The following CASR variants were observed in gnomAD, a reference collection of about 807,000 sequenced individuals.
The protein encoded by CASR is calcium sensing receptor, also known as extracellular calcium-sensing receptor.
CASR carries 23 observed loss-of-function variants against 69.1 expected under a neutral mutation model. The ratio of observed to expected loss-of-function variants is 0.33; its 90% CI spans 0.24 to 0.47. The LOEUF is 0.47. CASR is among the 20% of genes least tolerant of loss of function. The probability of loss-of-function intolerance (pLI) is 1.00; values close to 1 mark genes in which losing one functional copy is unlikely to be tolerated. For missense variants in CASR, 924 were observed against 1,356.1 expected (o/e 0.68, Z 5.00); for synonymous variants, 541 against 544.7 (o/e 0.99, Z 0.10).
In CASR at chr3:122,252,455, A is replaced by AAAGAAAG. The variant is rs879317403; in HGVS notation, c.-242-1491_-242-1490insGAAAGAA. Among the ~76,000 whole-genome samples, 81 of 100,696 alleles carry AAAGAAAG rather than the reference A, an allele frequency of 8.0e-4. 2 individuals are homozygous for AAAGAAAG. Among genetic ancestry groups the AAAGAAAG allele is most frequent in the African/African-American group, 3.2e-3 (80 of 24,680 alleles). The allele number at this position is 100,696 out of a possible 152,430, so 66.1% of individuals were successfully genotyped here. ...AAAGAAAGAAAGAAAGAAAAAAAAG[A>AAAGAAAG]AAAGAAAGAAAAGAAAAGAAGGGAG... is the stretch of plus-strand genomic sequence containing the variant. On this transcript the variant is annotated intron_variant, in intron 1 of 6. Coordinates refer to ENST00000639785, the MANE Select transcript of CASR (RefSeq NM_000388.4).
At chr3:122,198,263 G>A (rs2073909033) in intron 1 of CASR, among the ~76,000 whole-genome samples, 1 of 152,198 alleles carries the variant, frequency 6.6e-6, no homozygotes, top group Admixed American at 6.5e-5. Context: ...TCAGACAAAT[G>A]TTAAATAAGT....
intron 1 of CASR, chr3:122,246,878 A>T (rs1198071559): frequency 6.6e-6 from 1 of 152,112 alleles, no homozygotes; most frequent in Non-Finnish European, 1.5e-5. Flanking sequence ...TACAATAGAA[A>T]CCCATCCCTC....
chr3:122,203,747 A>T (rs1406307892), intron 1 of CASR, among the ~76,000 whole-genome samples: 1 of 152,206 alleles, frequency 6.6e-6, no homozygotes, highest in Non-Finnish European at 1.5e-5. Context: ...ATTTATCTTT[A>T]AAAATAAAGT....
chr3:122,248,124 TTG>T (rs1340469691), intron 1 of CASR, among the ~76,000 whole-genome samples: 1 of 152,134 alleles, frequency 6.6e-6, no homozygotes, highest in African/African-American at 2.4e-5. Context: ...ACCGGGCAAT[TTG>T]TGTTTCCCCC....
At chr3:122,237,102 A>T (rs1001509558) in intron 1 of CASR, among the ~76,000 whole-genome samples, 1 of 140,838 alleles carries the variant, frequency 7.1e-6, no homozygotes, top group Admixed American at 7.9e-5. Context: ...TGTAGCTAAC[A>T]GTACTTATGC....
intron 4 of CASR, 62 bp from the exon 5 acceptor site, chr3:122,275,750 C>A (rs2074809488): frequency 4.7e-6 from 5 of 1,065,938 alleles, no homozygotes; most frequent in Admixed American, 3.4e-5. Context: ...CAGGGCACAG[C>A]CTACCTAATT....
intron 1 of CASR, among the ~76,000 whole-genome samples, chr3:122,230,605 A>T (rs932986835): frequency 2.0e-5 from 3 of 152,042 alleles, no homozygotes; most frequent in Admixed American, 2.0e-4. Flanking sequence ...GAGGAGGAAG[A>T]CCCTCTCACC....
intron 2 of CASR, among the ~76,000 whole-genome samples, chr3:122,254,649 C>T (rs1488886671): frequency 6.6e-6 from 1 of 152,106 alleles, no homozygotes; most frequent in African/African-American, 2.4e-5. Flanking sequence ...TCATCGTTCA[C>T]CTGGCAGCAG....
chr3:122,285,202 G>A lies in CASR; in HGVS notation c.*11G>A, dbSNP rs1181529627. The stretch of plus-strand genomic sequence containing the variant: ...GTAGTGAATTCATAAAATGGAAGGA[G>A]AAGACTGGGCTAGGGAGAATGCAGA... On this transcript the variant is annotated 3_prime_UTR_variant, in exon 7 of 7. Transcript: ENST00000639785. 1.9e-6 allele frequency: 3 copies of A among 1,613,072 alleles called. No homozygotes were observed. The highest frequency in any genetic ancestry group is 2.5e-6 in the Non-Finnish European group (3 of 1,179,460).
chr3:122,249,376 G>A (rs1432943401), intron 1 of CASR, among the ~76,000 whole-genome samples: 2 of 152,208 alleles, frequency 1.3e-5, no homozygotes, highest in African/African-American at 4.8e-5. Flanking sequence ...TGAGCACCTT[G>A]AAGGCAAAAA....
chr3:122,264,369 A>G (rs184931833), intron 4 of CASR, among the ~76,000 whole-genome samples: 51 of 152,338 alleles, frequency 3.3e-4, no homozygotes, highest in Admixed American at 2.9e-3. Flanking sequence ...ATATCCTGTA[A>G]AAGTTCCAGA....
rs34143401 is a variant in CASR at position 122,281,337 on chromosome 3, C to T, written c.1609-776C>T. On this transcript the variant is annotated intron_variant, in intron 5 of 6. Transcript: ENST00000639785. ...TGGCAACCATATCATCTGCAAATAA[C>T]TACAGTTTTATTTGGTCCTTTTCAA... Among the ~76,000 whole-genome samples, 560 of 152,296 alleles carry T rather than the reference C, an allele frequency of 3.7e-3. 4 individuals carry two copies. The highest frequency in any genetic ancestry group is 0.011 in the African/African-American group (470 of 41,572).
At chr3:122,239,771 T>C (rs758142612) in intron 1 of CASR, among the ~76,000 whole-genome samples, 3 of 152,248 alleles carry the variant, frequency 2.0e-5, no homozygotes, top group Admixed American at 6.5e-5. Context: ...CAAGAGTCTC[T>C]GTCTGGTACT....
At chr3:122,228,516 T>G (rs574824365) in intron 1 of CASR, among the ~76,000 whole-genome samples, 7 of 152,300 alleles carry the variant, frequency 4.6e-5, no homozygotes, top group Non-Finnish European at 1.0e-4. Context: ...AAGGAATTAA[T>G]CTGGACTTCT....
At position 122,262,273 on chromosome 3, in the gene CASR, A is replaced by T. The variant is rs1553766896; in HGVS notation, c.1238A>T (p.His413Leu). Reference sequence around the variant, plus strand: ...GAGACCCCTTACATAGATTACACGCATTTACGGATATCCTACAATGTGTAC... The same window carrying T: ...GAGACCCCTTACATAGATTACACGCTTTTACGGATATCCTACAATGTGTAC... Reference protein sequence around the residue: ...SVETPYIDYTHLRISYNVYLA... With the variant: ...SVETPYIDYTLLRISYNVYLA... Residue 413 changes from histidine to leucine, a missense_variant, in exon 4 of 7, where the codon CAT becomes CTT. By Grantham distance (99) the His-to-Leu change is moderately conservative. Coordinates refer to ENST00000639785, the MANE Select transcript of CASR (RefSeq NM_000388.4). 1 of 1,614,182 alleles carries T rather than the reference A, an allele frequency of 6.2e-7. No individual in the cohort carries two copies. The highest frequency in any genetic ancestry group is 8.5e-7 in the Non-Finnish European group (1 of 1,180,030).
At chr3:122,193,204 G>GTGTT (rs35728846) in intron 1 of CASR, among the ~76,000 whole-genome samples, 30,215 of 140,242 alleles carry the variant, frequency 0.22, 3,325 homozygotes, top group Middle Eastern at 0.26. Context: ...TTTTTTGTTT[G>GTGTT]TGTTTGTTTG....
chr3:122,284,950 A>C lies in CASR; in HGVS notation c.2996A>C (p.Glu999Ala), dbSNP rs201052958. 14 of 1,614,060 alleles carry C rather than the reference A, an allele frequency of 8.7e-6. No homozygotes were observed. Among genetic ancestry groups the C allele is most frequent in the Non-Finnish European group, 1.2e-5 (14 of 1,180,026 alleles). ...AATTCTACGCACCAGAACTCCCTGG[A>C]GGCCCAGAAAAGCAGCGATACGCTG... The part of the protein sequence containing the change: ...HRNSTHQNSL[E>A]AQKSSDTLTR... Residue 999 changes from glutamate (E) to alanine (A), a missense_variant, in exon 7 of 7, where the codon GAG (glutamate) becomes GCG (alanine). Coordinates refer to ENST00000639785, the MANE Select transcript of CASR (RefSeq NM_000388.4).
At chr3:122,230,037 T>G (rs1432352709) in intron 1 of CASR, among the ~76,000 whole-genome samples, 1 of 152,234 alleles carries the variant, frequency 6.6e-6, no homozygotes, top group Admixed American at 6.5e-5. Context: ...ATGGAAGATT[T>G]GTACTAAACA....
rs1326892012 is a variant in CASR, at chr3:122,211,790, G to A, written c.-243+27978G>A. Among the ~76,000 whole-genome samples, 4 of 84,536 alleles carry A rather than the reference G, an allele frequency of 4.7e-5. No individual in the cohort carries two copies. The Admixed American group carries it at 4.9e-4, about 10-fold the overall frequency. 55.5% of individuals were successfully genotyped at this position (84,536 alleles called of 152,430 possible). A position where few individuals can be genotyped will look rare whatever the true frequency, so the allele number is the denominator to read the frequency against. ...ACTTCTCAAAAGAAAACATTTATGCGGCCAATAAACATGAAAAAAAGTTCA... is the reference window on the plus strand; with the variant it reads ...ACTTCTCAAAAGAAAACATTTATGCAGCCAATAAACATGAAAAAAAGTTCA... On this transcript the variant is annotated intron_variant, in intron 1 of 6. Coordinates refer to ENST00000639785, the MANE Select transcript of CASR (RefSeq NM_000388.4).
Sources: gnomAD v4.1 joint callset for allele counts (sites outside exome capture counted in the v4.1 genomes callset) on GRCh38, gnomAD v4.1.1 for gene constraint, MANE v1.5 for transcripts, NCBI Gene and HGNC (gene_info 2026-07-23, HGNC 2026-07-21) for gene names.